The following ATP13A3 variants were observed in gnomAD, a reference collection of about 807,000 sequenced individuals.
ATP13A3 encodes ATPase 13A3, also known as polyamine-transporting ATPase 13A3.
Under a neutral mutation model 158.1 loss-of-function variants are expected in ATP13A3, and 59 were observed. The observed-to-expected ratio is 0.37, with a 90% CI of 0.30 to 0.46. The LOEUF is 0.46. ATP13A3 is among the 20% of genes least tolerant of loss of function. The probability of loss-of-function intolerance (pLI) is 1.00; values close to 1 mark genes in which losing one functional copy is unlikely to be tolerated. For synonymous variants in ATP13A3, 491 were observed against 504.3 expected, an observed-to-expected ratio of 0.97 and a Z score of 0.35; for missense variants, 1,166 against 1,525.2, an observed-to-expected ratio of 0.76 and a Z score of 3.92.
At chr3:194,432,490 T>C (rs560996361) in intron 21 of ATP13A3, among the ~76,000 whole-genome samples, 6 of 152,332 alleles carry the variant, frequency 3.9e-5, no homozygotes, top group East Asian at 1.9e-4. Context: ...GAGCGAGATA[T>C]TTCTTTCCTC....
At chr3:194,470,331 C>T (rs188256824) in intron 2 of ATP13A3, among the ~76,000 whole-genome samples, 1 of 152,136 alleles carries the variant, frequency 6.6e-6, no homozygotes, top group Admixed American at 6.5e-5. Flanking sequence ...ACAAAATAAG[C>T]TATAATTAGG....
intron 20 of ATP13A3, among the ~76,000 whole-genome samples, chr3:194,434,876 G>A (rs983946533): frequency 3.9e-5 from 6 of 152,132 alleles, no homozygotes; most frequent in Admixed American, 3.9e-4. Flanking sequence ...AGAAGTGTTT[G>A]TTCCACTGCA....
intron 7 of ATP13A3, among the ~76,000 whole-genome samples, chr3:194,456,208 A>C (rs1719214619): frequency 6.6e-6 from 1 of 152,054 alleles, no homozygotes; most frequent in Non-Finnish European, 1.5e-5. Flanking sequence ...TATCTTTCCC[A>C]CTAGTCTATA....
chr3:194,447,184 T>C, intron 13 of ATP13A3, 69 bp from the exon 14 acceptor site: 2 of 1,350,148 alleles, frequency 1.5e-6, no homozygotes, highest in Non-Finnish European at 2.1e-6. Flanking sequence ...GGTATTTCTT[T>C]AGTGAAAATC....
chr3:194,477,204 G>C (rs533713085), intron 2 of ATP13A3, among the ~76,000 whole-genome samples: 10 of 152,256 alleles, frequency 6.6e-5, no homozygotes, highest in South Asian at 4.1e-4. Flanking sequence ...ACTAAGCTTT[G>C]ATTGTCCCTT....
Position 194,410,296 on chromosome 3 carries a change from CAA to C in ATP13A3, c.3573+1901_3573+1902del, listed in dbSNP as rs772008929. 2.3e-3 allele frequency among the ~76,000 whole-genome samples: 51 copies of C among 21,778 alleles called. No individual in the cohort carries two copies. The East Asian group carries it at 0.024, about 10-fold the overall frequency. 14.3% of individuals were successfully genotyped at this position (21,778 alleles called of 152,430 possible). A position where few individuals can be genotyped will look rare whatever the true frequency, so the allele number is the denominator to read the frequency against. On this transcript the variant is annotated intron_variant, in intron 33 of 33. Transcript: ENST00000645319. ...GCAACATGGCAAAACCTCCTCTCTG[CAA>C]AAAAAAAAAAAAAAAAAAAAAAAAA... is the stretch of plus-strand genomic sequence containing the variant.
intron 30 of ATP13A3, among the ~76,000 whole-genome samples, chr3:194,421,155 A>ATATATATAGTTTATATATATATATATAGT (rs1716324189): frequency 3.9e-5 from 1 of 25,868 alleles, no homozygotes; most frequent in African/African-American, 2.3e-4. Context: ...ATATATATAT[A>ATATATATAGTTTATATATATATATATAGT]TATATATATA....
chr3:194,457,381 AC>A (rs1719305114), intron 6 of ATP13A3, among the ~76,000 whole-genome samples: 1 of 152,152 alleles, frequency 6.6e-6, no homozygotes, highest in African/African-American at 2.4e-5. Context: ...CTCAAACCCA[AC>A]TTCGAAGCTA....
At chr3:194,449,044 T>TACACACAC (rs146993933) in intron 11 of ATP13A3, among the ~76,000 whole-genome samples, 24 of 134,984 alleles carry the variant, frequency 1.8e-4, no homozygotes, top group Non-Finnish European at 3.1e-4. Context: ...GATCCACCCC[T>TACACACAC]ACACACACAC....
intron 16 of ATP13A3, 70 bp from the exon 17 acceptor site, chr3:194,439,042 C>A: frequency 1.0e-6 from 1 of 974,788 alleles, no homozygotes; most frequent in Non-Finnish European, 1.5e-6. Flanking sequence ...AAACTGAATT[C>A]ATGGTTCCAT....
Position 194,431,583 on chromosome 3 carries a change from T to A in ATP13A3, c.2421+134A>T, listed in dbSNP as rs74736463. 3,893 of 914,402 alleles carry A rather than the reference T, an allele frequency of 4.3e-3. 117 individuals carry two copies. The African/African-American group carries it at 0.062, about 15-fold the overall frequency. 56.6% of individuals were successfully genotyped at this position (914,402 alleles called of 1,614,324 possible). On this transcript the variant is annotated intron_variant, in intron 22 of 33. Transcript: ENST00000645319. ...GTCCCAGTCCTAATGAAACATAATCTCTGAAAAAATAGCCCTGACTTCTGT... is the reference window on the plus strand; with the variant it reads ...GTCCCAGTCCTAATGAAACATAATCACTGAAAAAATAGCCCTGACTTCTGT...
chr3:194,426,763 T>G (rs940480248), intron 29 of ATP13A3, among the ~76,000 whole-genome samples: 1 of 152,066 alleles, frequency 6.6e-6, no homozygotes, highest in Non-Finnish European at 1.5e-5. Flanking sequence ...CAGGTTCAAG[T>G]GATTCTCCTG....
intron 2 of ATP13A3, among the ~76,000 whole-genome samples, chr3:194,482,361 G>A (rs931074090): frequency 6.6e-6 from 1 of 152,094 alleles, no homozygotes; most frequent in Admixed American, 6.5e-5. Context: ...CCAAAGCACT[G>A]GGATTTCAAG....
intron 27 of ATP13A3, 117 bp from the exon 28 acceptor site, chr3:194,429,034 A>C: frequency 1.8e-6 from 1 of 566,780 alleles, no homozygotes; most frequent in Admixed American, 3.6e-5. Flanking sequence ...TGACACTCGG[A>C]CCTGCTTAAA....
chr3:194,470,178 A>C (rs887046383), intron 2 of ATP13A3, among the ~76,000 whole-genome samples: 8 of 152,168 alleles, frequency 5.3e-5, no homozygotes, highest in African/African-American at 1.9e-4. Flanking sequence ...TTCTCTTATA[A>C]TATGCTTTTG....
At chr3:194,492,517 T>C (rs1360762693) in intron 2 of ATP13A3, among the ~76,000 whole-genome samples, 2 of 151,782 alleles carry the variant, frequency 1.3e-5, no homozygotes, top group Non-Finnish European at 2.9e-5. Flanking sequence ...TACAATGGCA[T>C]GATCTTGGCT....
rs565750387 is a variant in ATP13A3 at position 194,473,442 on chromosome 3, G to A, written c.-46-11206C>T. Among the ~76,000 whole-genome samples, 48 of 150,790 alleles carry A rather than the reference G, an allele frequency of 3.2e-4. 1 individual carries two copies. In the South Asian group the frequency reaches 9.8e-3, roughly 31 times the overall value. ...TACAGAACAAGACGATGTATTTAAA[G>A]TATAAAATTATATGGTAAGACATTA... On this transcript the variant is annotated intron_variant, in intron 2 of 33. Coordinates refer to ENST00000645319, the MANE Select transcript of ATP13A3 (RefSeq NM_001367549.1).
intron 2 of ATP13A3, among the ~76,000 whole-genome samples, chr3:194,470,313 T>A (rs1720246454): frequency 6.6e-6 from 1 of 152,234 alleles, no homozygotes; most frequent in Admixed American, 6.5e-5. Context: ...AACAATGTGA[T>A]AGCTATAACA....
At chr3:194,482,759 G>T (rs983861317) in intron 2 of ATP13A3, among the ~76,000 whole-genome samples, 3 of 151,820 alleles carry the variant, frequency 2.0e-5, no homozygotes, top group Non-Finnish European at 4.4e-5. Context: ...GATCACTTGA[G>T]GCCAGGAGTT....
Sources: allele counts gnomAD v4.1 joint callset (sites outside exome capture counted in the v4.1 genomes callset), GRCh38; gene constraint gnomAD v4.1.1; transcripts MANE v1.5; gene names NCBI Gene and HGNC (gene_info 2026-07-23, HGNC 2026-07-21).